The following COPS5 variants were observed in gnomAD, a reference collection of about 807,000 sequenced individuals.
COPS5 encodes COP9 signalosome subunit 5, also known as COP9 signalosome complex subunit 5.
Under a neutral mutation model 44.4 loss-of-function variants are expected in COPS5, and 8 were observed. That is an observed-to-expected ratio of 0.18 (90% confidence interval 0.11 to 0.32). The LOEUF (loss-of-function observed/expected upper bound fraction) is 0.32, where lower values mean the gene tolerates loss of function less well. COPS5 is among the 10% of genes least tolerant of loss of function. The probability of loss-of-function intolerance (pLI) is 1.00; values close to 1 mark genes in which losing one functional copy is unlikely to be tolerated. For missense variants in COPS5, 159 were observed against 406.4 expected, an observed-to-expected ratio of 0.39 and a Z score of 5.23; for synonymous variants, 122 against 142.8, an observed-to-expected ratio of 0.85 and a Z score of 1.04.
chr8:67,046,869 A>G (rs1816708066), intron 6 of COPS5, among the ~76,000 whole-genome samples: 2 of 151,710 alleles, frequency 1.3e-5, no homozygotes, highest in South Asian at 4.2e-4. Flanking sequence ...TCTGGTTACA[A>G]AATTAATAAT....
chr8:67,059,003 C>T (rs569059909), intron 2 of COPS5, among the ~76,000 whole-genome samples: 3 of 142,102 alleles, frequency 2.1e-5, no homozygotes, highest in East Asian at 4.0e-4. Flanking sequence ...GTCCCTGTCT[C>T]GAAAAAAAAA....
chr8:67,059,281 G>C lies in COPS5; in HGVS notation c.308C>G (p.Thr103Ser). 1 of 1,614,184 alleles carries C rather than the reference G, an allele frequency of 6.2e-7. No homozygotes were observed. Among genetic ancestry groups the C allele is most frequent in the East Asian group, 2.2e-5 (1 of 44,884 alleles). Reference protein sequence around the residue: ...MDSFALPVEGTETRVNAQAAA... With the variant: ...MDSFALPVEGSETRVNAQAAA... ...AGCCTGAGCATTTACTCGGGTTTCA[G>C]TGCCCTCCACAGGCAAAGCAAAACT... is the stretch of plus-strand genomic sequence containing the variant. Residue 103 changes from threonine (T) to serine (S), a missense_variant, in exon 2 of 8, where the codon ACT becomes AGT. Coordinates refer to ENST00000357849, the MANE Select transcript of COPS5 (RefSeq NM_006837.3).
In COPS5 at chr8:67,051,320, T is replaced by C; in HGVS notation, c.681A>G (p.Ser227=). Residue 227 remains serine, a synonymous_variant, in exon 6 of 8, where the codon TCA becomes TCG. Coordinates refer to ENST00000357849, the MANE Select transcript of COPS5 (RefSeq NM_006837.3). ...HCKQYYALEV[S]YFKSSLDRKL... Reference sequence around the variant, plus strand: ...TGCGATCCAAAGAGGATTTGAAATATGAGACTTCTAAGGCATAATATCTAT... The same window carrying C: ...TGCGATCCAAAGAGGATTTGAAATACGAGACTTCTAAGGCATAATATCTAT... The C allele has an allele frequency of 6.2e-7, 1 of 1,607,696 alleles. No homozygotes were observed. Among genetic ancestry groups the C allele is most frequent in the East Asian group, 2.2e-5 (1 of 44,850 alleles).
At chr8:67,050,443 C>T (rs1256022599) in intron 6 of COPS5, among the ~76,000 whole-genome samples, 4 of 152,166 alleles carry the variant, frequency 2.6e-5, no homozygotes, top group Non-Finnish European at 2.9e-5. Flanking sequence ...CTTGCCGTGG[C>T]GCAAGCCGCT....
At chr8:67,049,464 G>C (rs549312579) in intron 6 of COPS5, among the ~76,000 whole-genome samples, 39 of 149,744 alleles carry the variant, frequency 2.6e-4, no homozygotes, top group Non-Finnish European at 4.7e-4. Flanking sequence ...ACCCTGTCTC[G>C]AAAAGAAAAA....
intron 1 of COPS5, 124 bp downstream of exon 1, chr8:67,061,730 A>T: frequency 1.1e-6 from 1 of 932,684 alleles, no homozygotes; most frequent in Non-Finnish European, 1.7e-6. Flanking sequence ...CAGATCCAAG[A>T]CGCATATTCT....
chr8:67,054,565 CA>C (rs1804469726), intron 5 of COPS5, among the ~76,000 whole-genome samples: 2 of 150,430 alleles, frequency 1.3e-5, no homozygotes, highest in East Asian at 3.9e-4. Context: ...AAACAGGAAC[CA>C]AAAAAAAGGA....
intron 6 of COPS5, among the ~76,000 whole-genome samples, chr8:67,049,278 C>T (rs529026148): frequency 6.6e-6 from 1 of 152,076 alleles, no homozygotes; most frequent in Non-Finnish European, 1.5e-5. Flanking sequence ...GCTTGGGCAA[C>T]GTGGCAAAAC....
chr8:67,055,219 A>G (rs190806839), intron 5 of COPS5, among the ~76,000 whole-genome samples: 1 of 152,222 alleles, frequency 6.6e-6, no homozygotes, highest in Non-Finnish European at 1.5e-5. Context: ...ACATGAGCTC[A>G]CAGAGGCTGT....
intron 2 of COPS5, among the ~76,000 whole-genome samples, chr8:67,058,647 A>C (rs1166236832): frequency 6.6e-6 from 1 of 152,124 alleles, no homozygotes; most frequent in African/African-American, 2.4e-5. Context: ...GGTTGTTTCC[A>C]AATTTTTTAT....
intron 4 of COPS5, 129 bp downstream of exon 4, chr8:67,057,251 G>A (rs1393917806): frequency 4.5e-6 from 2 of 447,634 alleles, no homozygotes; most frequent in East Asian, 6.7e-5. Context: ...CAGCTACTTG[G>A]GAGGCTGAGT....
intron 1 of COPS5, 169 bp downstream of exon 1, chr8:67,061,685 G>A: frequency 1.5e-6 from 1 of 655,568 alleles, no homozygotes; most frequent in Non-Finnish European, 2.6e-6. Context: ...AGAAAGGGGA[G>A]TGAAAGCCCC....
At chr8:67,046,316 T>C (rs951871129) in intron 6 of COPS5, among the ~76,000 whole-genome samples, 2 of 152,202 alleles carry the variant, frequency 1.3e-5, no homozygotes, top group African/African-American at 4.8e-5. Flanking sequence ...GCCTGAGGTA[T>C]GCCTCCAGGT....
chr8:67,054,619 G>A (rs1804470510), intron 5 of COPS5, among the ~76,000 whole-genome samples: 1 of 152,160 alleles, frequency 6.6e-6, no homozygotes, highest in African/African-American at 2.4e-5. Flanking sequence ...AGAGATTATT[G>A]AAAACCACAT....
Position 67,059,241 on chromosome 8 carries a change from G to A in COPS5, c.348C>T (p.Tyr116=). The change falls in exon 2 of 8, where the codon TAC becomes TAT. Residue 116 remains tyrosine (Y), a synonymous_variant. Transcript: ENST00000357849. ...RVNAQAAAYE[Y]MAAYIENAKQ... ...TTGCATTTTCTATGTATGCAGCCAT[G>A]TATTCATATGCAGCAGCCTGAGCAT... 6.2e-7 allele frequency: 1 copy of A among 1,614,056 alleles called. No individual in the cohort carries two copies. Among genetic ancestry groups the A allele is most frequent in the East Asian group, 2.2e-5 (1 of 44,888 alleles).
intron 6 of COPS5, among the ~76,000 whole-genome samples, chr8:67,049,468 A>T (rs1804367078): frequency 6.6e-6 from 1 of 152,086 alleles, no homozygotes; most frequent in Non-Finnish European, 1.5e-5. Flanking sequence ...TGTCTCGAAA[A>T]GAAAAAGAAA....
rs773580234 is a variant in COPS5 at position 67,060,599 on chromosome 8, C to T, written c.144-1154G>A. On this transcript the variant is annotated intron_variant, in intron 1 of 7. Coordinates refer to ENST00000357849, the MANE Select transcript of COPS5 (RefSeq NM_006837.3). ...GTGCTCCTATTACATACATTCTAGACGACTCTTTTTATACATTATCTCACC... is the reference window on the plus strand; with the variant it reads ...GTGCTCCTATTACATACATTCTAGATGACTCTTTTTATACATTATCTCACC... 1.6e-5 allele frequency: 14 copies of T among 855,146 alleles called. 1 individual carries two copies. The highest frequency in any genetic ancestry group is 6.4e-5 in the East Asian group (1 of 15,710). The allele number at this position is 855,146 out of a possible 1,614,324, so 53.0% of individuals were successfully genotyped here.
chr8:67,049,023 ATT>A (rs1427841736), intron 6 of COPS5, among the ~76,000 whole-genome samples: 1 of 152,190 alleles, frequency 6.6e-6, no homozygotes, highest in Non-Finnish European at 1.5e-5. Flanking sequence ...TATAGATATC[ATT>A]TGTTTATTAT....
intron 2 of COPS5, 42 bp downstream of exon 2, chr8:67,059,169 T>G (rs1804552355): frequency 6.9e-7 from 1 of 1,449,042 alleles, no homozygotes; most frequent in Non-Finnish European, 9.7e-7. Context: ...ACCTTGAGAC[T>G]CTAACTTGCA....
Sources: gnomAD v4.1 joint callset for allele counts (sites outside exome capture counted in the v4.1 genomes callset) on GRCh38, gnomAD v4.1.1 for gene constraint, MANE v1.5 for transcripts, NCBI Gene and HGNC (gene_info 2026-07-23, HGNC 2026-07-21) for gene names.